The following LHFPL3 variants were observed in gnomAD, a reference collection of about 807,000 sequenced individuals.
LHFPL3 encodes the protein LHFPL tetraspan subfamily member 3 protein.
In LHFPL3, 5 loss-of-function variants were observed where a neutral mutation model predicts 19.3. The observed-to-expected ratio is 0.26, with a 90% CI of 0.14 to 0.54. The LOEUF (loss-of-function observed/expected upper bound fraction) is 0.54. Ranked by LOEUF, LHFPL3 falls within the 20% of genes least tolerant of loss-of-function variation. The probability of loss-of-function intolerance (pLI) is 0.94; values close to 1 mark genes in which losing one functional copy is unlikely to be tolerated. For missense variants in LHFPL3, 249 were observed against 307.4 expected (o/e 0.81, Z 1.42); for synonymous variants, 133 against 126.2 (o/e 1.05, Z -0.36).
intron 1 of LHFPL3, among the ~76,000 whole-genome samples, chr7:104,497,521 C>T (rs148968723): frequency 3.5e-4 from 53 of 152,004 alleles, no homozygotes; most frequent in Non-Finnish European, 6.8e-4. Context: ...GACAGATCTG[C>T]CACTTTCAGT....
intron 1 of LHFPL3, among the ~76,000 whole-genome samples, chr7:104,733,099 T>C (rs1793735529): frequency 6.6e-6 from 1 of 152,224 alleles, no homozygotes; most frequent in Non-Finnish European, 1.5e-5. Flanking sequence ...CAGTTTGTTA[T>C]AATTTCTGTT....
intron 1 of LHFPL3, among the ~76,000 whole-genome samples, chr7:104,680,136 T>G (rs1436507676): frequency 1.3e-5 from 2 of 152,104 alleles, no homozygotes; most frequent in Non-Finnish European, 1.5e-5. Context: ...AGGAACGCAA[T>G]GAGCTGAACG....
rs116544342 is a variant in LHFPL3, at chr7:104,488,121, T to C, written c.445+158897T>C. ...CTCTTAACGTCAGAAAATGTATTTT[T>C]TGTCATTTTCTAAGACCTCCCACAG... is the stretch of plus-strand genomic sequence containing the variant. On this transcript the variant is annotated intron_variant, in intron 1 of 2. Transcript: ENST00000424859. Among the ~76,000 whole-genome samples, 235 of 152,300 alleles carry C rather than the reference T, an allele frequency of 1.5e-3. 2 individuals carry two copies. The highest frequency in any genetic ancestry group is 5.4e-3 in the African/African-American group (225 of 41,562).
chr7:104,775,115 G>A (rs1794617937), intron 2 of LHFPL3, among the ~76,000 whole-genome samples: 1 of 152,182 alleles, frequency 6.6e-6, no homozygotes, highest in African/African-American at 2.4e-5. Context: ...TAGCTGACTG[G>A]GCACGGTGGC....
chr7:104,391,823 A>G (rs949023419), intron 1 of LHFPL3, among the ~76,000 whole-genome samples: 1 of 152,126 alleles, frequency 6.6e-6, no homozygotes, highest in Non-Finnish European at 1.5e-5. Flanking sequence ...ATGAGCATGG[A>G]ATGTTCTTCC....
At chr7:104,896,069 A>G (rs962033042) in intron 2 of LHFPL3, 6 of 152,186 alleles carry the variant, frequency 3.9e-5, no homozygotes, top group African/African-American at 9.7e-5. Flanking sequence ...TTCCTCCTAT[A>G]AAGAGATCAG....
At chr7:104,430,405 C>CATGTATAT (rs1791953958) in intron 1 of LHFPL3, among the ~76,000 whole-genome samples, 13 of 22,454 alleles carry the variant, frequency 5.8e-4, no homozygotes, top group Middle Eastern at 0.016. Context: ...TATATATATA[C>CATGTATAT]ATATATATAT....
At chr7:104,652,751 G>C (rs1420450138) in intron 1 of LHFPL3, among the ~76,000 whole-genome samples, 1 of 152,184 alleles carries the variant, frequency 6.6e-6, no homozygotes, top group Non-Finnish European at 1.5e-5. Flanking sequence ...CTAGTTAAAG[G>C]CAGGAAAAAC....
At chr7:104,865,410 G>A (rs756160514) in intron 2 of LHFPL3, among the ~76,000 whole-genome samples, 20 of 152,164 alleles carry the variant, frequency 1.3e-4, no homozygotes, top group Non-Finnish European at 1.9e-4. Flanking sequence ...ACCAAGGCAC[G>A]AGAACTACAT....
At chr7:104,610,463 G>A (rs1791191471) in intron 1 of LHFPL3, among the ~76,000 whole-genome samples, 1 of 152,086 alleles carries the variant, frequency 6.6e-6, no homozygotes, top group Non-Finnish European at 1.5e-5. Flanking sequence ...TGGAGGTTGA[G>A]AAATCCAAGA....
At chr7:104,478,311 G>A (rs1793066600) in intron 1 of LHFPL3, among the ~76,000 whole-genome samples, 1 of 152,090 alleles carries the variant, frequency 6.6e-6, no homozygotes. Context: ...GCCAGTTTCT[G>A]GGTCTTCAGT....
intron 1 of LHFPL3, among the ~76,000 whole-genome samples, chr7:104,561,948 G>GTT (rs996836553): frequency 7.2e-5 from 11 of 151,958 alleles, no homozygotes; most frequent in Non-Finnish European, 1.6e-4. Context: ...AAGAAGCTTA[G>GTT]TTTGGCTGGA....
chr7:104,418,578 T>C (rs895687227), intron 1 of LHFPL3, among the ~76,000 whole-genome samples: 1 of 152,082 alleles, frequency 6.6e-6, no homozygotes, highest in African/African-American at 2.4e-5. Context: ...CGCTTTGAAT[T>C]AGTGAAAGAA....
At chr7:104,506,934 T>C (rs896437132) in intron 1 of LHFPL3, among the ~76,000 whole-genome samples, 1 of 152,190 alleles carries the variant, frequency 6.6e-6, no homozygotes, top group African/African-American at 2.4e-5. Context: ...GTAATATAAG[T>C]AGCTGACTAA....
At chr7:104,843,854 T>A (rs1791260803) in intron 2 of LHFPL3, among the ~76,000 whole-genome samples, 1 of 152,134 alleles carries the variant, frequency 6.6e-6, no homozygotes, top group Non-Finnish European at 1.5e-5. Flanking sequence ...TTAATCTGAG[T>A]TTCATGGAAT....
chr7:104,481,614 AATTC>A (rs1418010810), intron 1 of LHFPL3, among the ~76,000 whole-genome samples: 1 of 151,434 alleles, frequency 6.6e-6, no homozygotes, highest in East Asian at 1.9e-4. Flanking sequence ...AACACTGTCT[AATTC>A]ATCTGTCTCG....
chr7:104,878,768 A>G (rs1791993736), intron 2 of LHFPL3, among the ~76,000 whole-genome samples: 1 of 152,242 alleles, frequency 6.6e-6, no homozygotes, highest in Non-Finnish European at 1.5e-5. Flanking sequence ...TGCACCAAAC[A>G]GCCGAGTTTT....
At chr7:104,833,983 C>G (rs1389058046) in intron 2 of LHFPL3, among the ~76,000 whole-genome samples, 1 of 147,020 alleles carries the variant, frequency 6.8e-6, no homozygotes, top group Non-Finnish European at 1.5e-5. Context: ...GAGACCCAGT[C>G]TGAGTCTCAA....
At chr7:104,859,437 G>A (rs1039693660) in intron 2 of LHFPL3, among the ~76,000 whole-genome samples, 6 of 152,098 alleles carry the variant, frequency 3.9e-5, no homozygotes, top group Non-Finnish European at 8.8e-5. Flanking sequence ...GGGAGGCTGA[G>A]GCAGGCGGAT....
Sources: allele counts gnomAD v4.1 joint callset (sites outside exome capture counted in the v4.1 genomes callset), GRCh38; gene constraint gnomAD v4.1.1; transcripts MANE v1.5; gene names NCBI Gene and HGNC (gene_info 2026-07-23, HGNC 2026-07-21).